The following TLE4 variants were observed in gnomAD, a reference collection of about 807,000 sequenced individuals.
TLE4 encodes TLE family member 4, transcriptional corepressor, also known as transducin-like enhancer protein 4.
In TLE4, 8 loss-of-function variants were observed where a neutral mutation model predicts 92.8. The ratio of observed to expected loss-of-function variants is 0.09; its 90% confidence interval spans 0.05 to 0.16. The LOEUF (loss-of-function observed/expected upper bound fraction) is 0.16. Ranked by LOEUF, TLE4 falls within the 10% of genes least tolerant of loss-of-function variation. The pLI is 1.00. For synonymous variants in TLE4, 371 were observed against 374.1 expected (o/e 0.99, Z 0.10); for missense variants, 675 against 997.6 (o/e 0.68, Z 4.36).
intron 9 of TLE4, 46 bp from the exon 10 acceptor site, chr9:79,705,843 A>G: frequency 1.3e-6 from 2 of 1,594,784 alleles, no homozygotes; most frequent in South Asian, 1.1e-5. Flanking sequence ...TAAATGTGGT[A>G]TGTTTTGTGA....
In TLE4 at chr9:79,725,075, C is replaced by G; in HGVS notation, c.2253C>G (p.Ser751=). 2 of 1,613,800 alleles carry G rather than the reference C, an allele frequency of 1.2e-6. No homozygotes were observed. The highest frequency in any genetic ancestry group is 1.7e-6 in the Non-Finnish European group (2 of 1,179,890). ...CATCGGTGCTTAGCTGTGACATCTC[C>G]GTGGACGACAAATACATTGTCACTG... ...ESSSVLSCDI[S]VDDKYIVTGS... The change falls in exon 20 of 20, where the codon TCC becomes TCG. Residue 751 remains serine, a synonymous_variant. Coordinates refer to ENST00000376552, the MANE Select transcript of TLE4 (RefSeq NM_007005.6).
At chr9:79,685,109 G>A (rs1186804548) in intron 8 of TLE4, among the ~76,000 whole-genome samples, 2 of 152,094 alleles carry the variant, frequency 1.3e-5, no homozygotes, top group Admixed American at 1.3e-4. Context: ...ATGAGAAATA[G>A]CCCACGCCCA....
intron 13 of TLE4, 136 bp downstream of exon 13, chr9:79,708,922 C>G (rs2072475611): frequency 1.8e-6 from 2 of 1,087,024 alleles, no homozygotes; most frequent in Admixed American, 5.7e-5. Flanking sequence ...GCCTCTGCCT[C>G]CTGGGCTTAA....
intron 4 of TLE4, among the ~76,000 whole-genome samples, chr9:79,602,355 G>C (rs2045856257): frequency 6.6e-6 from 1 of 152,214 alleles, no homozygotes; most frequent in African/African-American, 2.4e-5. Context: ...TTCATAGCTA[G>C]AGAAGAGATG....
intron 8 of TLE4, among the ~76,000 whole-genome samples, chr9:79,662,542 T>A (rs1174681181): frequency 6.6e-6 from 1 of 152,206 alleles, no homozygotes; most frequent in Non-Finnish European, 1.5e-5. Flanking sequence ...TGCTAATGTT[T>A]TGAGCCAACT....
intron 8 of TLE4, among the ~76,000 whole-genome samples, chr9:79,688,828 G>A (rs961687734): frequency 1.1e-4 from 16 of 152,020 alleles, no homozygotes; most frequent in African/African-American, 3.6e-4. Flanking sequence ...CTCATCTTCA[G>A]AGCTTTTCTG....
At chr9:79,596,124 G>A (rs2043944874) in intron 4 of TLE4, among the ~76,000 whole-genome samples, 2 of 152,118 alleles carry the variant, frequency 1.3e-5, no homozygotes, top group Admixed American at 1.3e-4. Flanking sequence ...GGGATTACAG[G>A]CGTGAGGAAC....
intron 4 of TLE4, among the ~76,000 whole-genome samples, chr9:79,584,028 G>C (rs1230179342): frequency 2.0e-5 from 3 of 152,204 alleles, no homozygotes; most frequent in Non-Finnish European, 4.4e-5. Context: ...GGGAGGATCA[G>C]CACGGGGGTG....
At chr9:79,654,355 T>A (rs565349579) in intron 8 of TLE4, among the ~76,000 whole-genome samples, 1 of 152,038 alleles carries the variant, frequency 6.6e-6, no homozygotes, top group South Asian at 2.1e-4. Context: ...AAAAAATAAC[T>A]GCTTTTCTTC....
intron 10 of TLE4, 42 bp downstream of exon 10, chr9:79,705,984 A>G (rs774982222): frequency 2.5e-6 from 4 of 1,577,996 alleles, no homozygotes; most frequent in Admixed American, 1.7e-5. Context: ...TTGCCCAGCC[A>G]TATCAAAGAC....
At chr9:79,684,047 C>A (rs1250898212) in intron 8 of TLE4, among the ~76,000 whole-genome samples, 1 of 152,204 alleles carries the variant, frequency 6.6e-6, no homozygotes, top group Non-Finnish European at 1.5e-5. Flanking sequence ...TTATTTTCAT[C>A]TATTTCTAAT....
intron 1 of TLE4, 56 bp downstream of exon 1, chr9:79,572,891 G>GCC: frequency 6.5e-7 from 1 of 1,538,848 alleles, no homozygotes; most frequent in South Asian, 1.2e-5. Context: ...TCCCCGCGTC[G>GCC]CCCCCTGCGC....
At chr9:79,592,183 C>CTCTTCTTCTTCTTCTTCT (rs57278935) in intron 4 of TLE4, among the ~76,000 whole-genome samples, 61 of 135,360 alleles carry the variant, frequency 4.5e-4, no homozygotes, top group Middle Eastern at 7.4e-3. Context: ...CTTCCTCTTC[C>CTCTTCTTCTTCTTCTTCT]TCTTCTTCTT....
At chr9:79,705,821 A>G (rs1174059542) in intron 9 of TLE4, 68 bp from the exon 10 acceptor site, 1 of 1,480,278 alleles carries the variant, frequency 6.8e-7, no homozygotes, top group Non-Finnish European at 9.5e-7. Flanking sequence ...ATTAGTCTGG[A>G]CTTACTTAGG....
At chr9:79,606,187 G>GTTGT (rs2046834923) in intron 4 of TLE4, among the ~76,000 whole-genome samples, 4 of 28,714 alleles carry the variant, frequency 1.4e-4, no homozygotes, top group Non-Finnish European at 1.9e-4. Context: ...AGTAGTAGTT[G>GTTGT]TTTTTTTTTT....
chr9:79,695,351 T>TCACA (rs554165411), intron 8 of TLE4, among the ~76,000 whole-genome samples: 2 of 45,940 alleles, frequency 4.4e-5, no homozygotes, highest in Non-Finnish European at 1.1e-4. Flanking sequence ...AATGCATATC[T>TCACA]CACACACACA....
chr9:79,648,327 G>T (rs1319948100), intron 6 of TLE4, among the ~76,000 whole-genome samples: 1 of 152,158 alleles, frequency 6.6e-6, no homozygotes, highest in Non-Finnish European at 1.5e-5. Context: ...AAGTCTCACA[G>T]TCTCTGGCAA....
intron 8 of TLE4, chr9:79,671,343 G>T: frequency 2.2e-6 from 1 of 448,106 alleles, no homozygotes; most frequent in Non-Finnish European, 4.5e-6. Context: ...CTACTGGTAG[G>T]AAAAGCTAAT....
At chr9:79,629,673 G>A (rs1158436232) in intron 6 of TLE4, among the ~76,000 whole-genome samples, 2 of 152,018 alleles carry the variant, frequency 1.3e-5, no homozygotes, top group Non-Finnish European at 1.5e-5. Context: ...AAATGGAGTC[G>A]GAAATCACAT....
Sources: allele counts gnomAD v4.1 joint callset (sites outside exome capture counted in the v4.1 genomes callset), GRCh38; gene constraint gnomAD v4.1.1; transcripts MANE v1.5; gene names NCBI Gene and HGNC (gene_info 2026-07-23, HGNC 2026-07-21).